The following RIMS2 variants were observed in gnomAD, a reference collection of about 807,000 sequenced individuals.
RIMS2 encodes the protein regulating synaptic membrane exocytosis protein 2.
A neutral mutation model predicts 174.4 loss-of-function variants in RIMS2; 59 were observed. The ratio of observed to expected loss-of-function variants is 0.34; its 90% CI spans 0.27 to 0.42. The LOEUF (loss-of-function observed/expected upper bound fraction) is 0.42, where lower values mean the gene tolerates loss of function less well. Among genes scored for constraint, RIMS2 ranks in the 10% least tolerant of loss-of-function variants. The pLI is 1.00. For synonymous variants in RIMS2, 606 were observed against 572.5 expected (o/e 1.06, Z -0.84); for missense variants, 1,620 against 1,666.3 (o/e 0.97, Z 0.48).
chr8:103,651,169 G>T (rs532963293), intron 1 of RIMS2, among the ~76,000 whole-genome samples: 29 of 152,340 alleles, frequency 1.9e-4, no homozygotes, highest in African/African-American at 7.0e-4. Context: ...GAGAAACGTG[G>T]TTTCCTGGGC....
chr8:103,936,864 G>A (rs2081364330), intron 13 of RIMS2, 142 bp downstream of exon 15: 2 of 534,394 alleles, frequency 3.7e-6, no homozygotes, highest in Admixed American at 3.3e-5. Flanking sequence ...GGGAGGCCGA[G>A]GGGGGCGGAT....
intron 3 of RIMS2, among the ~76,000 whole-genome samples, chr8:103,846,197 G>A (rs1475617762): frequency 6.6e-6 from 1 of 151,992 alleles, no homozygotes; most frequent in East Asian, 1.9e-4. Flanking sequence ...TCTTTTTACT[G>A]CCTTGTGCTT....
intron 19 of RIMS2, among the ~76,000 whole-genome samples, chr8:104,187,222 A>G (rs781281953): frequency 1.3e-4 from 19 of 151,938 alleles, no homozygotes; most frequent in Non-Finnish European, 2.7e-4. Flanking sequence ...AGAAATATAA[A>G]TATGGAAACT....
chr8:103,944,749 T>C (rs2083332408), intron 14 of RIMS2, among the ~76,000 whole-genome samples: 1 of 152,084 alleles, frequency 6.6e-6, no homozygotes, highest in Non-Finnish European at 1.5e-5. Context: ...GGTAATATAA[T>C]GGCTGCATGT....
At chr8:104,170,497 C>T (rs1020157128) in intron 19 of RIMS2, among the ~76,000 whole-genome samples, 1 of 151,924 alleles carries the variant, frequency 6.6e-6, no homozygotes, top group African/African-American at 2.4e-5. Context: ...TTTTGGTTTC[C>T]ATTCTTGTGA....
At chr8:103,899,945 A>C (rs1449276276) in intron 4 of RIMS2, among the ~76,000 whole-genome samples, 1 of 151,620 alleles carries the variant, frequency 6.6e-6, no homozygotes, top group South Asian at 2.1e-4. Context: ...TATGGCTAGC[A>C]AGTTTTCCCA....
intron 1 of RIMS2, among the ~76,000 whole-genome samples, chr8:103,592,667 T>G (rs1266957327): frequency 1.3e-5 from 2 of 151,404 alleles, no homozygotes; most frequent in African/African-American, 2.4e-5. Flanking sequence ...AGGTTTTATT[T>G]GCTTTTTATG....
intron 1 of RIMS2, among the ~76,000 whole-genome samples, chr8:103,614,464 C>T (rs554493997): frequency 1.3e-5 from 2 of 152,236 alleles, no homozygotes; most frequent in Non-Finnish European, 1.5e-5. Context: ...TTCTCATGCC[C>T]CTTTTAATGA....
At chr8:103,955,344 A>C (rs1565511300) in intron 14 of RIMS2, among the ~76,000 whole-genome samples, 3 of 152,220 alleles carry the variant, frequency 2.0e-5, no homozygotes, top group Non-Finnish European at 4.4e-5. Context: ...CAATGTGAAA[A>C]TCCTCAGTAA....
At chr8:103,791,344 T>C (rs1490829437) in intron 3 of RIMS2, among the ~76,000 whole-genome samples, 2 of 151,978 alleles carry the variant, frequency 1.3e-5, no homozygotes, top group African/African-American at 2.4e-5. Context: ...GAATCAGAAA[T>C]AAATCCTTTA....
intron 9 of RIMS2, 30 bp from the exon 13 acceptor site, chr8:103,921,639 GTTA>G: frequency 1.2e-6 from 1 of 840,160 alleles, no homozygotes; most frequent in Non-Finnish European, 2.1e-6. Flanking sequence ...AAGAGCCATT[GTTA>G]TTATTCGTTA....
chr8:103,992,656 G>A (rs568357811), intron 17 of RIMS2, among the ~76,000 whole-genome samples: 1 of 152,132 alleles, frequency 6.6e-6, no homozygotes, highest in Non-Finnish European at 1.5e-5. Flanking sequence ...TATAGGTAAT[G>A]TAAAAATAAT....
At chr8:104,233,648 T>C (rs2099243261) in intron 19 of RIMS2, among the ~76,000 whole-genome samples, 1 of 152,228 alleles carries the variant, frequency 6.6e-6, no homozygotes, top group Admixed American at 6.5e-5. Flanking sequence ...CATAGCCTGC[T>C]TCTTTCTAGT....
chr8:104,153,745 GGAA>G (rs1358019447), intron 19 of RIMS2, among the ~76,000 whole-genome samples: 5 of 152,136 alleles, frequency 3.3e-5, no homozygotes, highest in Admixed American at 1.3e-4. Flanking sequence ...TTAGAGGTCA[GGAA>G]GAAGAAGAAA....
intron 19 of RIMS2, among the ~76,000 whole-genome samples, chr8:104,112,552 A>G (rs545671101): frequency 6.6e-6 from 1 of 152,300 alleles, no homozygotes; most frequent in South Asian, 2.1e-4. Flanking sequence ...TATTATTTAC[A>G]TTCTGAGATG....
intron 19 of RIMS2, among the ~76,000 whole-genome samples, chr8:104,208,271 A>C (rs1046797240): frequency 2.6e-5 from 4 of 152,102 alleles, no homozygotes; most frequent in African/African-American, 9.7e-5. Context: ...GTCTATTTAA[A>C]ATTGAAGAAT....
At chr8:103,557,524 A>G (rs2090711160) in intron 1 of RIMS2, among the ~76,000 whole-genome samples, 1 of 152,238 alleles carries the variant, frequency 6.6e-6, no homozygotes, top group Non-Finnish European at 1.5e-5. Context: ...TATATCATTT[A>G]GAAAATATTT....
At chr8:103,667,486 A>T (rs1415128689) in intron 1 of RIMS2, among the ~76,000 whole-genome samples, 2 of 152,200 alleles carry the variant, frequency 1.3e-5, no homozygotes, top group African/African-American at 4.8e-5. Flanking sequence ...GGTTAAGAGG[A>T]GTGGACCACT....
chr8:104,070,900 A>G (rs2097184638), intron 19 of RIMS2, among the ~76,000 whole-genome samples: 1 of 152,150 alleles, frequency 6.6e-6, no homozygotes, highest in Non-Finnish European at 1.5e-5. Context: ...CATACCCACT[A>G]CATGTGGGCA....
Sources: gnomAD v4.1 joint callset for allele counts (sites outside exome capture counted in the v4.1 genomes callset) on GRCh38, gnomAD v4.1.1 for gene constraint, MANE v1.5 for transcripts, NCBI Gene and HGNC (gene_info 2026-07-23, HGNC 2026-07-21) for gene names.